Variants in MMS22L observed in about 807,000 individuals in gnomAD.
MMS22L encodes the protein MMS22 like, DNA repair protein.
In MMS22L, 74 loss-of-function variants were observed where a neutral mutation model predicts 159.1. That is an observed-to-expected ratio of 0.47 (90% confidence interval 0.39 to 0.56). The LOEUF (loss-of-function observed/expected upper bound fraction) is 0.56. MMS22L is among the 20% of genes least tolerant of loss of function. MMS22L has a pLI of 0.00. For synonymous variants in MMS22L, 517 were observed against 506.9 expected, an observed-to-expected ratio of 1.02 and a Z score of -0.27; for missense variants, 1,351 against 1,422.1, an observed-to-expected ratio of 0.95 and a Z score of 0.80.
At position 97,145,624 on chromosome 6, in the gene MMS22L, C is replaced by T. The variant is rs904479748; in HGVS notation, c.*1182G>A. ...CTAATCGTGTCTGTACATTTCCCAA[C>T]AGAATTTGGGCCACCAAATATTTTC... On this transcript the variant is annotated 3_prime_UTR_variant, in exon 25 of 25. Coordinates refer to ENST00000683635, the MANE Select transcript of MMS22L (RefSeq NM_001350599.2). 2 of 152,176 alleles carry T rather than the reference C, an allele frequency of 1.3e-5. No individual in the cohort carries two copies. The highest frequency in any genetic ancestry group is 1.9e-4 in the East Asian group (1 of 5,198). 9.4% of individuals were successfully genotyped at this position (152,176 alleles called of 1,614,324 possible). A position where few individuals can be genotyped will look rare whatever the true frequency, so the allele number is the denominator to read the frequency against.
chr6:97,160,739 T>C (rs1802357591), intron 22 of MMS22L, among the ~76,000 whole-genome samples: 1 of 152,008 alleles, frequency 6.6e-6, no homozygotes, highest in Non-Finnish European at 1.5e-5. Context: ...GTATATATGG[T>C]GCACTTAATG....
intron 24 of MMS22L, among the ~76,000 whole-genome samples, chr6:97,149,573 T>C (rs1210529510): frequency 6.6e-6 from 1 of 152,166 alleles, no homozygotes; most frequent in Non-Finnish European, 1.5e-5. Context: ...GAAATGCGTT[T>C]TGAGCAACAG....
chr6:97,234,651 T>C (rs1811209822), intron 11 of MMS22L, among the ~76,000 whole-genome samples: 1 of 152,180 alleles, frequency 6.6e-6, no homozygotes, highest in African/African-American at 2.4e-5. Context: ...CATGTACTGG[T>C]AGAGCTTACA....
intron 7 of MMS22L, 112 bp from the exon 8 acceptor site, chr6:97,268,114 T>C (rs969494660): frequency 1.3e-6 from 1 of 750,448 alleles, no homozygotes; most frequent in Non-Finnish European, 1.9e-6. Context: ...GTTTTTAATT[T>C]TTTTTTGCAA....
rs72936634 is a variant in MMS22L, at chr6:97,255,965, G to A, written c.943-1232C>T. ...TTCTTGTATCTTTTCTATCAATTTTGAACCTTGATATATTCTGTTTTAGAA... is the reference window on the plus strand; with the variant it reads ...TTCTTGTATCTTTTCTATCAATTTTAAACCTTGATATATTCTGTTTTAGAA... On this transcript the variant is annotated intron_variant, in intron 9 of 24. Coordinates refer to ENST00000683635, the MANE Select transcript of MMS22L (RefSeq NM_001350599.2). 2.0e-3 allele frequency among the ~76,000 whole-genome samples: 311 copies of A among 151,860 alleles called. 2 individuals are homozygous for A. Among genetic ancestry groups the A allele is most frequent in the Admixed American group, 3.3e-3 (51 of 15,244 alleles).
At position 97,279,737 on chromosome 6, in the gene MMS22L, G is replaced by T. The variant is rs150676353; in HGVS notation, c.291-839C>A. ...GGAGGCGGAAGTTGCAGTGAGCCAA[G>T]ATCACCCCACTGCACTCCAGCCAGG... On this transcript the variant is annotated intron_variant, in intron 3 of 24. Coordinates refer to ENST00000683635, the MANE Select transcript of MMS22L (RefSeq NM_001350599.2). Among the ~76,000 whole-genome samples the T allele has an allele frequency of 7.3e-4, 108 of 148,442 alleles. No individual in the cohort carries two copies. The East Asian group carries it at 0.018, about 25-fold the overall frequency.
chr6:97,166,643 G>A (rs1489795051), intron 20 of MMS22L, among the ~76,000 whole-genome samples: 2 of 152,020 alleles, frequency 1.3e-5, no homozygotes, highest in African/African-American at 2.4e-5. Flanking sequence ...AGGAGAGCTG[G>A]GTACCATGAA....
At chr6:97,272,569 T>C in intron 6 of MMS22L, 135 bp downstream of exon 6, 1 of 711,456 alleles carries the variant, frequency 1.4e-6, no homozygotes, top group Non-Finnish European at 2.3e-6. Context: ...AAAAGGAGGA[T>C]GGGGGGCAAG....
At position 97,160,584 on chromosome 6, in the gene MMS22L, G is replaced by A. The variant is rs537894829; in HGVS notation, c.3385+1418C>T. Among the ~76,000 whole-genome samples, 33 of 152,028 alleles carry A rather than the reference G, an allele frequency of 2.2e-4. No individual in the cohort carries two copies. The South Asian group carries it at 6.6e-3, about 31-fold the overall frequency. ...CTTTACTATAATGTATCTGTTTGTG[G>A]ATCTTTTTGCATTTACCTTACCTGG... On this transcript the variant is annotated intron_variant, in intron 22 of 24. Transcript: ENST00000683635.
At chr6:97,220,910 GTATTA>G (rs1351428031) in intron 14 of MMS22L, among the ~76,000 whole-genome samples, 1 of 148,810 alleles carries the variant, frequency 6.7e-6, no homozygotes, top group Non-Finnish European at 1.5e-5. Flanking sequence ...TATGCTAGAA[GTATTA>G]TATTAAGAAT....
intron 19 of MMS22L, among the ~76,000 whole-genome samples, chr6:97,172,558 T>C (rs1195048560): frequency 4.6e-5 from 7 of 152,204 alleles, no homozygotes; most frequent in African/African-American, 9.6e-5. Flanking sequence ...TCCATTGTTA[T>C]AGAACGGGCA....
intron 14 of MMS22L, among the ~76,000 whole-genome samples, chr6:97,213,052 T>C (rs1808561639): frequency 1.3e-5 from 2 of 152,150 alleles, no homozygotes; most frequent in African/African-American, 2.4e-5. Flanking sequence ...TGTGTGTGTG[T>C]GTGCGTGTGT....
chr6:97,225,786 A>G (rs914345102), intron 14 of MMS22L, among the ~76,000 whole-genome samples: 6 of 152,012 alleles, frequency 3.9e-5, no homozygotes, highest in Non-Finnish European at 7.4e-5. Context: ...GTTAGCCAGG[A>G]TGGTCTCATC....
Position 97,220,861 on chromosome 6 carries a change from AAACAAC to A in MMS22L, c.2039+8027_2039+8032del, listed in dbSNP as rs560206562. Among the ~76,000 whole-genome samples, 121 of 151,932 alleles carry A rather than the reference AAACAAC, an allele frequency of 8.0e-4. 2 individuals carry two copies. Among genetic ancestry groups the A allele is most frequent in the African/African-American group, 2.8e-3 (116 of 41,434 alleles). On this transcript the variant is annotated intron_variant, in intron 14 of 24. Coordinates refer to ENST00000683635, the MANE Select transcript of MMS22L (RefSeq NM_001350599.2). ...AAAGAAAACGATTCATTACACACTA[AAACAAC>A]AACAACAACAACAAAACTTGCTCAA...
chr6:97,229,227 A>G lies in MMS22L; in HGVS notation c.1706T>C (p.Leu569Pro), dbSNP rs1321262381. The change falls in exon 14 of 25, where the codon CTC (leucine) becomes CCC (proline). Residue 569 changes from leucine (L) to proline (P), a missense_variant. By Grantham distance (98) the Leu-to-Pro change is moderately conservative (BLOSUM62 -3). Transcript: ENST00000683635. ...GAAGGCCATGTGACCCTTCCAAATG[A>G]GGGCTCTCTGAGACGTTACAAAAGC... ...KPAFVTSQRA[L>P]IWKGHMAFLL... is the part of the protein sequence containing the mutation. 3 of 1,614,002 alleles carry G rather than the reference A, an allele frequency of 1.9e-6. No homozygotes were observed. In the Admixed American group the frequency reaches 5.0e-5, roughly 27 times the overall value.
At chr6:97,277,064 T>G (rs1429945098) in intron 4 of MMS22L, among the ~76,000 whole-genome samples, 1 of 152,208 alleles carries the variant, frequency 6.6e-6, no homozygotes, top group Admixed American at 6.5e-5. Context: ...GCCTAAAAGC[T>G]GATAGCTAAC....
At chr6:97,169,466 A>C (rs1254544213) in intron 19 of MMS22L, among the ~76,000 whole-genome samples, 1 of 152,176 alleles carries the variant, frequency 6.6e-6, no homozygotes, top group African/African-American at 2.4e-5. Flanking sequence ...GATAAAATTC[A>C]AAGTCATTTC....
intron 14 of MMS22L, among the ~76,000 whole-genome samples, chr6:97,225,322 T>C (rs1810105637): frequency 6.6e-6 from 1 of 152,244 alleles, no homozygotes; most frequent in South Asian, 2.1e-4. Flanking sequence ...ATACGCCTAT[T>C]ACCAAGCTTC....
chr6:97,227,223 A>C (rs886868300), intron 14 of MMS22L, among the ~76,000 whole-genome samples: 1 of 152,234 alleles, frequency 6.6e-6, no homozygotes, highest in Non-Finnish European at 1.5e-5. Context: ...AAAAGAATTA[A>C]AAAGGACTTA....
Sources: gnomAD v4.1 joint callset for allele counts (sites outside exome capture counted in the v4.1 genomes callset) on GRCh38, gnomAD v4.1.1 for gene constraint, MANE v1.5 for transcripts, NCBI Gene and HGNC (gene_info 2026-07-23, HGNC 2026-07-21) for gene names.